Variants in H1-8 observed in about 807,000 individuals in gnomAD.
H1-8 encodes the protein H1.8 linker histone.
A neutral mutation model predicts 19.5 loss-of-function variants in H1-8; 13 were observed. The ratio of observed to expected loss-of-function variants is 0.67; its 90% CI spans 0.43 to 1.06. H1-8 has a LOEUF of 1.06. Ranked by LOEUF, H1-8 falls within the 50% of genes least tolerant of loss-of-function variation. H1-8 has a pLI of 0.00. For synonymous variants in H1-8, 193 were observed against 187.6 expected (o/e 1.03, Z -0.24); for missense variants, 432 against 459.8 (o/e 0.94, Z 0.55).
At chr3:129,547,827 T>A in intron 2 of H1-8, 147 bp downstream of exon 2, 2 of 749,748 alleles carry the variant, frequency 2.7e-6, no homozygotes, top group Non-Finnish European at 4.2e-6. Flanking sequence ...CCCTCTCCTC[T>A]AGGAAGGCAG....
chr3:129,550,488 G>C (rs2084925303), intron 3 of H1-8, among the ~76,000 whole-genome samples: 1 of 152,176 alleles, frequency 6.6e-6, no homozygotes, highest in South Asian at 2.1e-4. Flanking sequence ...GCTTTGGTGG[G>C]CTTGGAGCAC....
At chr3:129,550,115 G>A (rs1393239918) in intron 3 of H1-8, among the ~76,000 whole-genome samples, 1 of 152,198 alleles carries the variant, frequency 6.6e-6, no homozygotes, top group Non-Finnish European at 1.5e-5. Flanking sequence ...AGCAGCTAGG[G>A]CTAGAGTTAT....
intron 1 of H1-8, 75 bp from the exon 2 acceptor site, chr3:129,547,316 C>G (rs891034920): frequency 1.8e-4 from 259 of 1,404,860 alleles, no homozygotes; most frequent in Non-Finnish European, 2.3e-4. Context: ...CCCTCACCCA[C>G]CCCCCACGGG....
intron 2 of H1-8, chr3:129,548,505 C>T: frequency 1.0e-6 from 1 of 989,172 alleles, no homozygotes. Context: ...GATGGGGAGC[C>T]CTGAGGGTTG....
At chr3:129,547,715 TGGAGCAATG>T (rs1465933373) in intron 2 of H1-8, 35 bp downstream of exon 2, 1 of 1,502,244 alleles carries the variant, frequency 6.7e-7, no homozygotes, top group Admixed American at 2.2e-5. Context: ...AGCCCAGGGT[TGGAGCAATG>T]GTCCTGGCCT....
chr3:129,545,432 T>G (rs556382763), intron 1 of H1-8, among the ~76,000 whole-genome samples: 1 of 152,300 alleles, frequency 6.6e-6, no homozygotes, highest in South Asian at 2.1e-4. Flanking sequence ...TGCAACTATT[T>G]TATAACACCT....
chr3:129,550,329 G>C (rs961419112), intron 3 of H1-8, among the ~76,000 whole-genome samples: 8 of 152,176 alleles, frequency 5.3e-5, no homozygotes, highest in African/African-American at 1.9e-4. Context: ...TTGAGCCTGG[G>C]AGGTCAAGGC....
At chr3:129,548,493 G>C (rs1019729154) in intron 2 of H1-8, 11 of 988,394 alleles carry the variant, frequency 1.1e-5, no homozygotes, top group African/African-American at 8.7e-5. Flanking sequence ...TCTAGTCTTG[G>C]TGATGGGGAG....
chr3:129,550,947 C>T (rs1336831383), intron 4 of H1-8, 138 bp downstream of exon 4: 2 of 967,126 alleles, frequency 2.1e-6, no homozygotes, highest in Non-Finnish European at 3.1e-6. Flanking sequence ...AGTCCACCAC[C>T]TTCTCTCTGG....
chr3:129,546,429 T>G (rs2108754683), intron 1 of H1-8, among the ~76,000 whole-genome samples: 1 of 152,358 alleles, frequency 6.6e-6, no homozygotes, highest in East Asian at 1.9e-4. Context: ...AGTCACCATC[T>G]TGTGGACACT....
At chr3:129,548,390 C>T (rs2084905943) in intron 2 of H1-8, 1 of 986,382 alleles carries the variant, frequency 1.0e-6, no homozygotes. Flanking sequence ...GGACTTGCGT[C>T]ACAGCAGGAC....
At position 129,543,250 on chromosome 3, in the gene H1-8, C is replaced by T. The variant is rs2108753664; in HGVS notation, c.32C>T (p.Ser11Leu). The change falls in exon 1 of 5, where the codon TCA becomes TTA. Residue 11 changes from serine (S) to leucine (L), a missense_variant. Ser to Leu is a moderately radical substitution (Grantham distance 145). Coordinates refer to ENST00000324382, the MANE Select transcript of H1-8 (RefSeq NM_153833.3). ...CCTGGGAGCGTCACCAGCGACATCT[C>T]ACCCTCCTCGACTTCCACAGCAGGA... is the stretch of plus-strand genomic sequence containing the variant. Reference protein sequence around the residue: MAPGSVTSDISPSSTSTAGSS... With the variant: MAPGSVTSDILPSSTSTAGSS... The T allele has an allele frequency of 6.2e-7, 1 of 1,613,752 alleles. No homozygotes were observed. The highest frequency in any genetic ancestry group is 2.2e-5 in the East Asian group (1 of 44,872).
rs1209516159 is a variant in H1-8 at position 129,547,281 on chromosome 3, AG to A, written c.89-104del. 1.1e-5 allele frequency: 12 copies of A among 1,120,592 alleles called. No individual in the cohort carries two copies. The Middle Eastern group carries it at 1.1e-3, about 102-fold the overall frequency. The allele number at this position is 1,120,592 out of a possible 1,614,324, so 69.4% of individuals were successfully genotyped here. On this transcript the variant is annotated intron_variant, in intron 1 of 4. Transcript: ENST00000324382. ...TGCCAGCGGTCAGTGTCTTGGGGAG[AG>A]GGGGGCATCTGATCCTTGCTGGACC... is the stretch of plus-strand genomic sequence containing the variant.
rs528026500 is a variant in H1-8 at position 129,545,972 on chromosome 3, C to T, written c.89-1419C>T. 2.0e-4 allele frequency among the ~76,000 whole-genome samples: 30 copies of T among 152,018 alleles called. 1 individual carries two copies. The East Asian group carries it at 4.1e-3, about 21-fold the overall frequency. ...ACCGAAGAGTGGAATTTTTTGGTAA[C>T]TTTTTATTATGAAAACTTTCAGGGC... is the stretch of plus-strand genomic sequence containing the variant. On this transcript the variant is annotated intron_variant, in intron 1 of 4. Transcript: ENST00000324382.
At chr3:129,546,517 A>G (rs546514876) in intron 1 of H1-8, among the ~76,000 whole-genome samples, 1 of 152,218 alleles carries the variant, frequency 6.6e-6, no homozygotes, top group African/African-American at 2.4e-5. Flanking sequence ...CTTTTATAAT[A>G]TTTACCTTTA....
chr3:129,550,338 G>C (rs922966387), intron 3 of H1-8, among the ~76,000 whole-genome samples: 4 of 152,162 alleles, frequency 2.6e-5, no homozygotes, highest in African/African-American at 9.7e-5. Context: ...GGAGGTCAAG[G>C]CTGCAGTAAA....
intron 1 of H1-8, 55 bp from the exon 2 acceptor site, chr3:129,547,336 G>A: frequency 2.1e-6 from 3 of 1,451,556 alleles, no homozygotes; most frequent in Non-Finnish European, 2.7e-6. Context: ...GCCAGCTGAT[G>A]CCTGCCACTG....
rs751940161 is a variant in H1-8 at position 129,551,127 on chromosome 3, C to A, written c.828C>A (p.Ser276=). 1 of 1,613,844 alleles carries A rather than the reference C, an allele frequency of 6.2e-7. No individual in the cohort carries two copies. The highest frequency in any genetic ancestry group is 1.1e-5 in the South Asian group (1 of 91,036). ...TASKVKNGAA[S]PTKKKVVAKA... is the part of the protein sequence containing the mutation. ...TATAGGTCAAGAATGGTGCTGCTTCCCCGACCAAAAAGAAGGTGGTGGCCA... is the reference window on the plus strand; with the variant it reads ...TATAGGTCAAGAATGGTGCTGCTTCACCGACCAAAAAGAAGGTGGTGGCCA... The change falls in exon 5 of 5, where the codon TCC becomes TCA. Residue 276 remains serine, a synonymous_variant. Transcript: ENST00000324382.
chr3:129,550,826 ATT>A lies in H1-8; in HGVS notation c.807+19_807+20del. The A allele has an allele frequency of 6.2e-7, 1 of 1,607,592 alleles. No homozygotes were observed. The highest frequency in any genetic ancestry group is 8.5e-7 in the Non-Finnish European group (1 of 1,176,230). On this transcript the variant is annotated intron_variant, in intron 4 of 4. Coordinates refer to ENST00000324382, the MANE Select transcript of H1-8 (RefSeq NM_153833.3). ...GCCAGCAAGGTAGGTGCCTGCATGA[ATT>A]TCCTGGCCTGGCTGCCTGCCCTGAA...
Sources: allele counts gnomAD v4.1 joint callset (sites outside exome capture counted in the v4.1 genomes callset), GRCh38; gene constraint gnomAD v4.1.1; transcripts MANE v1.5; gene names NCBI Gene and HGNC (gene_info 2026-07-23, HGNC 2026-07-21).